The following RIC8B variants were observed in gnomAD, a reference collection of about 807,000 sequenced individuals.
RIC8B encodes chaperone Ric-8B.
RIC8B carries 16 observed loss-of-function variants against 57.5 expected under a neutral mutation model. That is an observed-to-expected ratio of 0.28 (90% confidence interval 0.19 to 0.42). The LOEUF (loss-of-function observed/expected upper bound fraction) is 0.42. Among genes scored for constraint, RIC8B ranks in the 10% least tolerant of loss-of-function variants. The probability of loss-of-function intolerance (pLI) is 1.00; values close to 1 mark genes in which losing one functional copy is unlikely to be tolerated. For synonymous variants in RIC8B, 216 were observed against 250.8 expected, an observed-to-expected ratio of 0.86 and a Z score of 1.31; for missense variants, 481 against 677.0, an observed-to-expected ratio of 0.71 and a Z score of 3.21.
At chr12:106,824,907 C>T (rs1382800651) in intron 3 of RIC8B, among the ~76,000 whole-genome samples, 1 of 140,480 alleles carries the variant, frequency 7.1e-6, no homozygotes, top group Non-Finnish European at 1.6e-5. Flanking sequence ...AACTCCATCT[C>T]AAAAAAAAAA....
rs371643470 is a variant in RIC8B, at chr12:106,818,766, T to C, written c.741+3462T>C. On this transcript the variant is annotated intron_variant, in intron 3 of 9. Coordinates refer to ENST00000392837, the MANE Select transcript of RIC8B (RefSeq NM_001330145.2). ...ACCAAGCACTATTTGCCTTTTGGTG[T>C]GTATCTTTCTTTTTTTTGAGATGGA... Among the ~76,000 whole-genome samples the C allele has an allele frequency of 2.5e-3, 382 of 152,200 alleles. 1 individual carries two copies. Among genetic ancestry groups the C allele is most frequent in the African/African-American group, 8.4e-3 (349 of 41,548 alleles).
At position 106,868,766 on chromosome 12, in the gene RIC8B, GACACACACACACACACACACAC is replaced by G. The variant is rs56293147; in HGVS notation, c.1452-2029_1452-2008del. Among the ~76,000 whole-genome samples, 303 of 123,026 alleles carry G rather than the reference GACACACACACACACACACACAC, an allele frequency of 2.5e-3. 1 individual carries two copies. Among genetic ancestry groups the G allele is most frequent in the Admixed American group, 6.2e-3 (73 of 11,752 alleles). 80.7% of individuals were successfully genotyped at this position (123,026 alleles called of 152,430 possible). A position where few individuals can be genotyped will look rare whatever the true frequency, so the allele number is the denominator to read the frequency against. On this transcript the variant is annotated intron_variant, in intron 8 of 9. Transcript: ENST00000392837. ...ATGAGTGTCTAAAGCAGGCACTCTA[GACACACACACACACACACACAC>G]ACACACACACACACACACACACACA...
chr12:106,799,521 T>G (rs1198794212), intron 2 of RIC8B, among the ~76,000 whole-genome samples: 2 of 152,220 alleles, frequency 1.3e-5, no homozygotes, highest in Non-Finnish European at 2.9e-5. Context: ...GGTGCTTTTT[T>G]TACTTCAACT....
intron 7 of RIC8B, among the ~76,000 whole-genome samples, chr12:106,852,177 G>A (rs1203041857): frequency 1.3e-5 from 2 of 152,182 alleles, no homozygotes; most frequent in Non-Finnish European, 2.9e-5. Flanking sequence ...TAAAGTGATT[G>A]TCTACTGAGA....
chr12:106,851,722 G>A (rs1266825987), intron 7 of RIC8B, 128 bp downstream of exon 7: 2 of 773,254 alleles, frequency 2.6e-6, no homozygotes, highest in African/African-American at 3.6e-5. Flanking sequence ...CTATTAGAGA[G>A]GCTGAGGAGT....
At chr12:106,871,471 T>TAAAAAAAAAAAAAAA (rs1387727022) in intron 9 of RIC8B, 5 of 30,918 alleles carry the variant, frequency 1.6e-4, no homozygotes, top group East Asian at 1.1e-3. Flanking sequence ...TTAGGAGTTC[T>TAAAAAAAAAAAAAAA]AAAAAAAAAA....
chr12:106,796,404 T>C (rs1348854416), intron 2 of RIC8B, among the ~76,000 whole-genome samples: 1 of 151,904 alleles, frequency 6.6e-6, no homozygotes. Flanking sequence ...AAGAAATTGC[T>C]ACAAAGCAGT....
At chr12:106,798,761 A>G (rs2044602575) in intron 2 of RIC8B, among the ~76,000 whole-genome samples, 1 of 152,008 alleles carries the variant, frequency 6.6e-6, no homozygotes, top group African/African-American at 2.4e-5. Flanking sequence ...TTTGCCACTT[A>G]GTCTTTATCA....
chr12:106,870,989 A>G, intron 9 of RIC8B, 47 bp downstream of exon 9: 1 of 1,528,198 alleles, frequency 6.5e-7, no homozygotes, highest in Non-Finnish European at 8.8e-7. Context: ...AAAATGGTCT[A>G]TTTCTTTGTC....
At chr12:106,799,274 C>A (rs549425625) in intron 2 of RIC8B, among the ~76,000 whole-genome samples, 2 of 152,274 alleles carry the variant, frequency 1.3e-5, no homozygotes, top group East Asian at 3.9e-4. Context: ...TGCTTGTTAA[C>A]GTTTCTTGAT....
chr12:106,868,454 T>C, intron 8 of RIC8B: 1 of 378,944 alleles, frequency 2.6e-6, no homozygotes. Flanking sequence ...CCTTTATTCA[T>C]TTATAAGACT....
At chr12:106,828,649 C>T (rs1350338841) in intron 4 of RIC8B, among the ~76,000 whole-genome samples, 6 of 152,142 alleles carry the variant, frequency 3.9e-5, no homozygotes, top group African/African-American at 1.2e-4. Flanking sequence ...GCACCTCTTC[C>T]CTGGCAATGA....
At chr12:106,840,657 A>G (rs1477452606) in intron 4 of RIC8B, among the ~76,000 whole-genome samples, 1 of 152,226 alleles carries the variant, frequency 6.6e-6, no homozygotes, top group Non-Finnish European at 1.5e-5. Context: ...AATAAGAAAT[A>G]AGAAAATGGG....
At chr12:106,863,939 C>T (rs1035666061) in intron 8 of RIC8B, among the ~76,000 whole-genome samples, 3 of 151,984 alleles carry the variant, frequency 2.0e-5, no homozygotes, top group Admixed American at 6.6e-5. Context: ...TGCCTAGATG[C>T]AATTTGGTAT....
intron 6 of RIC8B, among the ~76,000 whole-genome samples, chr12:106,844,204 G>T (rs148350541): frequency 1.8e-4 from 27 of 152,282 alleles, no homozygotes; most frequent in Non-Finnish European, 3.4e-4. Flanking sequence ...AGTTTATTTT[G>T]TAGAGAGGGG....
chr12:106,839,614 G>A (rs1284578878), intron 4 of RIC8B, among the ~76,000 whole-genome samples: 1 of 152,234 alleles, frequency 6.6e-6, no homozygotes, highest in Non-Finnish European at 1.5e-5. Context: ...GATCTCCTGT[G>A]TAGCAGAGCC....
chr12:106,847,536 A>G lies in RIC8B; in HGVS notation c.1161+3589A>G, dbSNP rs564109601. On this transcript the variant is annotated intron_variant, in intron 6 of 9. Coordinates refer to ENST00000392837, the MANE Select transcript of RIC8B (RefSeq NM_001330145.2). ...GCCTAGCATTTTGTTCTACCCAGCC[A>G]GAGACTGAAATATGGATTCCATAAA... Among the ~76,000 whole-genome samples the G allele has an allele frequency of 6.6e-5, 10 of 152,302 alleles. No individual in the cohort carries two copies. In the South Asian group the frequency reaches 1.7e-3, roughly 25 times the overall value.
chr12:106,830,139 G>A (rs1023062295), intron 4 of RIC8B, among the ~76,000 whole-genome samples: 2 of 152,096 alleles, frequency 1.3e-5, no homozygotes, highest in Admixed American at 1.3e-4. Context: ...TCTTTTTCAA[G>A]ATTATTTTGA....
At chr12:106,784,519 A>G (rs1014854305) in intron 2 of RIC8B, among the ~76,000 whole-genome samples, 5 of 152,160 alleles carry the variant, frequency 3.3e-5, no homozygotes, top group African/African-American at 1.2e-4. Context: ...ACACACCAGC[A>G]TGCCCATTTT....
Sources: gnomAD v4.1 joint callset for allele counts (sites outside exome capture counted in the v4.1 genomes callset) on GRCh38, gnomAD v4.1.1 for gene constraint, MANE v1.5 for transcripts, NCBI Gene and HGNC (gene_info 2026-07-23, HGNC 2026-07-21) for gene names.